The following SORCS1 variants were observed in gnomAD, a reference collection of about 807,000 sequenced individuals.
SORCS1 encodes the protein VPS10 domain-containing receptor SorCS1.
A neutral mutation model predicts 146.1 loss-of-function variants in SORCS1; 60 were observed. The ratio of observed to expected loss-of-function variants is 0.41; its 90% CI spans 0.33 to 0.51. SORCS1 has a LOEUF of 0.51. SORCS1 is among the 20% of genes least tolerant of loss of function. The probability of loss-of-function intolerance (pLI) is 0.21; values close to 1 mark genes in which losing one functional copy is unlikely to be tolerated. For missense variants in SORCS1, 1,352 were observed against 1,487.6 expected, an observed-to-expected ratio of 0.91 and a Z score of 1.50; for synonymous variants, 637 against 584.0, an observed-to-expected ratio of 1.09 and a Z score of -1.31.
chr10:106,910,470 T>C (rs1952099082), intron 2 of SORCS1, among the ~76,000 whole-genome samples: 1 of 152,152 alleles, frequency 6.6e-6, no homozygotes, highest in African/African-American at 2.4e-5. Flanking sequence ...GTTAATCCTC[T>C]TAAATGTTTG....
intron 1 of SORCS1, among the ~76,000 whole-genome samples, chr10:106,987,707 C>G (rs1279536829): frequency 6.6e-6 from 1 of 152,106 alleles, no homozygotes; most frequent in Non-Finnish European, 1.5e-5. Flanking sequence ...AGATTTTTTT[C>G]TTCTTCCTCA....
chr10:106,888,473 A>G (rs1419489978), intron 2 of SORCS1, among the ~76,000 whole-genome samples: 2 of 136,700 alleles, frequency 1.5e-5, no homozygotes, highest in Non-Finnish European at 3.5e-5. Context: ...AAGTAGGGTC[A>G]GTATTTAGCT....
chr10:107,108,615 C>A (rs1965472140), intron 1 of SORCS1, among the ~76,000 whole-genome samples: 1 of 152,128 alleles, frequency 6.6e-6, no homozygotes, highest in African/African-American at 2.4e-5. Flanking sequence ...GAGATTCAGG[C>A]AGGAAGAAAA....
At chr10:107,093,961 C>G (rs576466146) in intron 1 of SORCS1, among the ~76,000 whole-genome samples, 1 of 152,158 alleles carries the variant, frequency 6.6e-6, no homozygotes, top group African/African-American at 2.4e-5. Context: ...CGCTATCCCC[C>G]AGAAGCACAC....
At chr10:106,624,239 T>C (rs1057157531) in intron 19 of SORCS1, among the ~76,000 whole-genome samples, 3 of 151,892 alleles carry the variant, frequency 2.0e-5, no homozygotes, top group Admixed American at 1.3e-4. Flanking sequence ...AGGGTGAGGG[T>C]AGAGTAAGTG....
chr10:106,720,576 G>T (rs944546718), intron 6 of SORCS1, among the ~76,000 whole-genome samples: 2 of 151,388 alleles, frequency 1.3e-5, no homozygotes, highest in African/African-American at 2.4e-5. Flanking sequence ...TTTTAAGTAC[G>T]ATGCTACTTT....
At chr10:107,102,549 T>G (rs969390338) in intron 1 of SORCS1, among the ~76,000 whole-genome samples, 1 of 152,220 alleles carries the variant, frequency 6.6e-6, no homozygotes, top group Non-Finnish European at 1.5e-5. Flanking sequence ...TAACTATGAT[T>G]TGTTAAAGGT....
chr10:107,102,926 T>C (rs1272810238), intron 1 of SORCS1, among the ~76,000 whole-genome samples: 2 of 152,196 alleles, frequency 1.3e-5, no homozygotes, highest in African/African-American at 4.8e-5. Context: ...ATTGCTGTAA[T>C]ATTGCCTCCA....
intron 10 of SORCS1, among the ~76,000 whole-genome samples, chr10:106,684,864 A>G (rs1852705813): frequency 6.6e-6 from 1 of 152,220 alleles, no homozygotes. Flanking sequence ...CCTGTAGCTC[A>G]AAGATTTTCT....
chr10:106,843,519 C>A (rs1164531793), intron 2 of SORCS1, among the ~76,000 whole-genome samples: 7 of 150,816 alleles, frequency 4.6e-5, no homozygotes. Flanking sequence ...GCAAGCTCCG[C>A]CCCCCAGGTT....
At chr10:106,910,364 G>T (rs1564800279) in intron 2 of SORCS1, among the ~76,000 whole-genome samples, 1 of 151,820 alleles carries the variant, frequency 6.6e-6, no homozygotes, top group Non-Finnish European at 1.5e-5. Flanking sequence ...GCGAGAGAGA[G>T]GGCCACATTT....
intron 8 of SORCS1, among the ~76,000 whole-genome samples, chr10:106,704,965 C>T (rs1314526473): frequency 6.6e-6 from 1 of 152,146 alleles, no homozygotes; most frequent in African/African-American, 2.4e-5. Context: ...TTAACATGTT[C>T]ATTTCTCTGA....
intron 1 of SORCS1, among the ~76,000 whole-genome samples, chr10:106,957,010 T>A (rs1158185639): frequency 6.6e-6 from 1 of 152,186 alleles, no homozygotes; most frequent in Non-Finnish European, 1.5e-5. Flanking sequence ...CTACCATCTT[T>A]TTGGGAGACA....
At chr10:106,840,993 C>T (rs1478890401) in intron 2 of SORCS1, among the ~76,000 whole-genome samples, 1 of 151,358 alleles carries the variant, frequency 6.6e-6, no homozygotes, top group East Asian at 2.0e-4. Flanking sequence ...GTAGCTGGGA[C>T]TACAGGTGCA....
intron 1 of SORCS1, among the ~76,000 whole-genome samples, chr10:107,011,628 C>T (rs1218470326): frequency 6.6e-6 from 1 of 152,198 alleles, no homozygotes; most frequent in African/African-American, 2.4e-5. Context: ...GGACAAGTTA[C>T]CTCTTGCAAA....
At chr10:106,780,450 G>T (rs1860801812) in intron 3 of SORCS1, among the ~76,000 whole-genome samples, 1 of 152,176 alleles carries the variant, frequency 6.6e-6, no homozygotes, top group Non-Finnish European at 1.5e-5. Flanking sequence ...ATGAATCCAA[G>T]CTTTGCAGAT....
chr10:107,009,672 C>A (rs7909306), intron 1 of SORCS1, among the ~76,000 whole-genome samples: 2 of 152,020 alleles, frequency 1.3e-5, no homozygotes, highest in Admixed American at 6.6e-5. Context: ...CACCAAAATA[C>A]GCAAGATTTA....
chr10:106,906,072 A>C (rs947192292), intron 2 of SORCS1, among the ~76,000 whole-genome samples: 16 of 152,194 alleles, frequency 1.1e-4, no homozygotes, highest in African/African-American at 3.6e-4. Flanking sequence ...CATGCTGCTG[A>C]TAAAGACATA....
chr10:106,668,212 A>G (rs1003036211), intron 16 of SORCS1, among the ~76,000 whole-genome samples: 4 of 152,176 alleles, frequency 2.6e-5, no homozygotes, highest in Admixed American at 6.5e-5. Flanking sequence ...CACAGTCCTC[A>G]TTACTGGTGA....
Sources: gnomAD v4.1 joint callset for allele counts (sites outside exome capture counted in the v4.1 genomes callset) on GRCh38, gnomAD v4.1.1 for gene constraint, MANE v1.5 for transcripts, NCBI Gene and HGNC (gene_info 2026-07-23, HGNC 2026-07-21) for gene names.